Variants in SUSD1 observed in about 807,000 individuals in gnomAD.
SUSD1 encodes the protein sushi domain-containing protein 1.
Under a neutral mutation model 86.9 loss-of-function variants are expected in SUSD1, and 65 were observed. That is an observed-to-expected ratio of 0.75 (90% CI 0.61 to 0.92). SUSD1 has a LOEUF of 0.92. Ranked by LOEUF, SUSD1 falls within the 40% of genes least tolerant of loss-of-function variation. The probability of loss-of-function intolerance (pLI) is 0.00; values close to 1 mark genes in which losing one functional copy is unlikely to be tolerated. For synonymous variants in SUSD1, 346 were observed against 350.0 expected (o/e 0.99, Z 0.13); for missense variants, 850 against 929.7 (o/e 0.91, Z 1.11).
At chr9:112,079,016 G>A (rs1829651734) in intron 11 of SUSD1, among the ~76,000 whole-genome samples, 1 of 151,770 alleles carries the variant, frequency 6.6e-6, no homozygotes, top group Non-Finnish European at 1.5e-5. Flanking sequence ...GTTTCGCCAT[G>A]TTGCCCAGGC....
Position 112,086,539 on chromosome 9 carries a change from AAAG to A in SUSD1, c.1475-6377_1475-6375del, listed in dbSNP as rs1158711530. On this transcript the variant is annotated intron_variant, in intron 10 of 16. Transcript: ENST00000374270. ...GAAAGAAAGAGAGAGAGAGAGAAAA[AAAG>A]AAAGAAAGAAAGAAAGAAAGAGAGA... is the stretch of plus-strand genomic sequence containing the variant. Among the ~76,000 whole-genome samples the A allele has an allele frequency of 5.3e-4, 66 of 123,588 alleles. 1 individual carries two copies. The highest frequency in any genetic ancestry group is 2.1e-3 in the African/African-American group (65 of 30,260). The allele number at this position is 123,588 out of a possible 152,430, so 81.1% of individuals were successfully genotyped here.
At chr9:112,118,812 G>T (rs982531174) in intron 6 of SUSD1, among the ~76,000 whole-genome samples, 1 of 152,132 alleles carries the variant, frequency 6.6e-6, no homozygotes, top group African/African-American at 2.4e-5. Context: ...TGTTCGTTAT[G>T]TATCAGTTTT....
chr9:112,100,754 C>T (rs188611073), intron 9 of SUSD1, among the ~76,000 whole-genome samples: 2 of 150,802 alleles, frequency 1.3e-5, no homozygotes, highest in African/African-American at 4.9e-5. Context: ...ATTGCTTGAA[C>T]CTGGGAGAGG....
At chr9:112,098,420 A>G (rs1267654472) in intron 10 of SUSD1, 50 bp downstream of exon 10, 1 of 1,583,798 alleles carries the variant, frequency 6.3e-7, no homozygotes, top group Non-Finnish European at 8.6e-7. Context: ...TGCTCAATTC[A>G]CATAGGTAAT....
chr9:112,103,920 A>C (rs1313999025), intron 8 of SUSD1, among the ~76,000 whole-genome samples: 1 of 152,204 alleles, frequency 6.6e-6, no homozygotes, highest in African/African-American at 2.4e-5. Flanking sequence ...CCCATGCTCC[A>C]TCTGGAGCCA....
rs1221784307 is a variant in SUSD1, at chr9:112,113,700, G to C, written c.887-832C>G. 1.3e-5 allele frequency among the ~76,000 whole-genome samples: 2 copies of C among 152,170 alleles called. No individual in the cohort carries two copies. The highest frequency in any genetic ancestry group is 2.9e-5 in the Non-Finnish European group (2 of 68,024). ...TAATCTCAGCACTTTGGGAGGCCAAGGTTGGCGGATTACCTGAGCTCAGAA... is the reference window on the plus strand; with the variant it reads ...TAATCTCAGCACTTTGGGAGGCCAACGTTGGCGGATTACCTGAGCTCAGAA... On this transcript the variant is annotated intron_variant, in intron 6 of 16. Coordinates refer to ENST00000374270, the MANE Select transcript of SUSD1 (RefSeq NM_022486.5). The surrounding 1 kb of genome is among the most constrained non-coding windows in gnomAD (Gnocchi z 4.1).
intron 5 of SUSD1, among the ~76,000 whole-genome samples, chr9:112,126,396 G>A (rs946077279): frequency 1.3e-5 from 2 of 152,174 alleles, no homozygotes; most frequent in African/African-American, 2.4e-5. Flanking sequence ...CATCTTGGAC[G>A]TGACCAAGAA....
chr9:112,165,142 T>G (rs775362959), intron 1 of SUSD1, among the ~76,000 whole-genome samples: 12 of 152,152 alleles, frequency 7.9e-5, no homozygotes, highest in Non-Finnish European at 1.5e-4. Context: ...AGTTCTGACA[T>G]TTCCTTCTTT....
chr9:112,142,961 C>CTTTTTTT lies in SUSD1; in HGVS notation c.527-469_527-463dup, dbSNP rs529470594. Among the ~76,000 whole-genome samples the CTTTTTTT allele has an allele frequency of 1.2e-3, 35 of 30,216 alleles. 8 individuals are homozygous for CTTTTTTT. Among genetic ancestry groups the CTTTTTTT allele is most frequent in the East Asian group, 2.8e-3 (2 of 714 alleles). The allele number at this position is 30,216 out of a possible 152,430, so 19.8% of individuals were successfully genotyped here. On this transcript the variant is annotated intron_variant, in intron 4 of 16. Coordinates refer to ENST00000374270, the MANE Select transcript of SUSD1 (RefSeq NM_022486.5). ...AATCCTTTAAGTTTATGAATTTTAG[C>CTTTTTTT]TTTTTTTTTTTTTTTTTTTTTTTTT... is the stretch of plus-strand genomic sequence containing the variant.
intron 10 of SUSD1, among the ~76,000 whole-genome samples, chr9:112,094,782 A>G (rs941660453): frequency 6.6e-6 from 1 of 152,260 alleles, no homozygotes; most frequent in African/African-American, 2.4e-5. Context: ...ATAGGCATTA[A>G]TGAGAACTCT....
At chr9:112,095,255 C>T (rs1014795787) in intron 10 of SUSD1, among the ~76,000 whole-genome samples, 1 of 152,090 alleles carries the variant, frequency 6.6e-6, no homozygotes, top group Non-Finnish European at 1.5e-5. Flanking sequence ...AGGAAAAGTA[C>T]TAAGACCTAG....
intron 5 of SUSD1, among the ~76,000 whole-genome samples, chr9:112,128,577 G>A (rs115983440): frequency 0.033 from 5,031 of 152,150 alleles, 284 homozygotes; most frequent in African/African-American, 0.12. Context: ...ATTTTTAGTA[G>A]AGACAAGAGT....
intron 10 of SUSD1, among the ~76,000 whole-genome samples, chr9:112,095,713 G>A (rs932249089): frequency 6.6e-6 from 1 of 152,156 alleles, no homozygotes; most frequent in African/African-American, 2.4e-5. Context: ...AACAATTTGG[G>A]GGATCTTTCT....
Position 112,143,703 on chromosome 9 carries a change from A to AT in SUSD1, c.374-81dup, listed in dbSNP as rs1589719719. On this transcript the variant is annotated intron_variant, in intron 3 of 16. Coordinates refer to ENST00000374270, the MANE Select transcript of SUSD1 (RefSeq NM_022486.5). The stretch of plus-strand genomic sequence containing the variant: ...AAAAGGAGAGGATATTGTGACAGCC[A>AT]TTTTTTCACATTTTCAAGCTACTCT... The AT allele has an allele frequency of 3.6e-6, 5 of 1,370,744 alleles. No individual in the cohort carries two copies. The African/African-American group carries it at 5.8e-5, about 16-fold the overall frequency. The allele number at this position is 1,370,744 out of a possible 1,614,324, so 84.9% of individuals were successfully genotyped here.
At chr9:112,133,015 C>G (rs1029152450) in intron 5 of SUSD1, among the ~76,000 whole-genome samples, 4 of 152,354 alleles carry the variant, frequency 2.6e-5, no homozygotes, top group Admixed American at 6.5e-5. Flanking sequence ...CAGTAGCTCA[C>G]TCCTGTAATC....
intron 12 of SUSD1, among the ~76,000 whole-genome samples, chr9:112,076,598 G>A (rs952871549): frequency 6.6e-6 from 1 of 152,114 alleles, no homozygotes. Context: ...AAGTTGGGTG[G>A]ATATAGGAGT....
chr9:112,043,864 G>A (rs1238263037), intron 15 of SUSD1, among the ~76,000 whole-genome samples: 1 of 152,102 alleles, frequency 6.6e-6, no homozygotes, highest in African/African-American at 2.4e-5. Context: ...GCAGTGGCAT[G>A]ATCTCGGCTC....
chr9:112,052,975 A>C (rs952466478), intron 14 of SUSD1, among the ~76,000 whole-genome samples: 1 of 152,212 alleles, frequency 6.6e-6, no homozygotes, highest in East Asian at 1.9e-4. Context: ...CCATAGTAGA[A>C]GAAATCTATA....
At chr9:112,160,989 C>G (rs1198441865) in intron 1 of SUSD1, among the ~76,000 whole-genome samples, 2 of 152,200 alleles carry the variant, frequency 1.3e-5, no homozygotes, top group Non-Finnish European at 2.9e-5. Flanking sequence ...ACCTAAATGT[C>G]CATCATATGG....
Sources: allele counts gnomAD v4.1 joint callset (sites outside exome capture counted in the v4.1 genomes callset), GRCh38; gene constraint gnomAD v4.1.1; non-coding constraint Gnocchi (gnomAD v3.1); transcripts MANE v1.5; gene names NCBI Gene and HGNC (gene_info 2026-07-23, HGNC 2026-07-21).